SAXO1: variants seen among roughly 807,000 people sequenced by gnomAD.
SAXO1 encodes the protein stabilizer of axonemal microtubules 1, also known as 4930500O09Rik.
In SAXO1, 21 loss-of-function variants were observed where a neutral mutation model predicts 17.5. The ratio of observed to expected loss-of-function variants is 1.20; its 90% confidence interval spans 0.85 to 1.72. The LOEUF (loss-of-function observed/expected upper bound fraction) is 1.72, where lower values mean the gene tolerates loss of function less well. Ranked by LOEUF, SAXO1 falls within the 40% of genes most tolerant of loss-of-function variation. The pLI is 0.00. For synonymous variants in SAXO1, 274 were observed against 216.5 expected (o/e 1.27, Z -2.33); for missense variants, 843 against 596.0 (o/e 1.41, Z -4.32).
chr9:18,945,235 C>A (rs1415998115), intron 2 of SAXO1, among the ~76,000 whole-genome samples: 1 of 152,200 alleles, frequency 6.6e-6, no homozygotes, highest in African/African-American at 2.4e-5. Context: ...TGATTCCCCT[C>A]ACTCCTGGAT....
upstream of SAXO1, among the ~76,000 whole-genome samples, chr9:19,037,363 T>A (rs914494284): frequency 1.3e-5 from 2 of 152,184 alleles, no homozygotes; most frequent in Non-Finnish European, 2.9e-5. Flanking sequence ...TGAAACTATA[T>A]GGTTTGGCTC....
intron 1 of SAXO1, among the ~76,000 whole-genome samples, chr9:18,998,074 C>T (rs539827620): frequency 6.6e-6 from 1 of 152,132 alleles, no homozygotes; most frequent in Non-Finnish European, 1.5e-5. Flanking sequence ...CAAAGGAACA[C>T]AACTCCTCAC....
intron 3 of SAXO1, among the ~76,000 whole-genome samples, chr9:18,931,646 A>G (rs1224001467): frequency 2.6e-5 from 4 of 152,244 alleles, no homozygotes; most frequent in African/African-American, 9.6e-5. Flanking sequence ...AGCAACGTAT[A>G]AACATTCTCA....
At position 18,948,960 on chromosome 9, in the gene SAXO1, G is replaced by A. The variant is rs370948075; in HGVS notation, c.218+1798C>T. On this transcript the variant is annotated intron_variant, in intron 2 of 3. Coordinates refer to ENST00000380534, the MANE Select transcript of SAXO1 (RefSeq NM_153707.4). ...AGTACTACTCTCACCCTTTCCTACC[G>A]ATTACATGTCCCTTATACATGTGCC... Among the ~76,000 whole-genome samples, 49 of 152,198 alleles carry A rather than the reference G, an allele frequency of 3.2e-4. 1 individual carries two copies. The South Asian group carries it at 8.9e-3, about 28-fold the overall frequency.
intron 1 of SAXO1, 23 bp from the exon 2 acceptor site, chr9:18,950,960 T>C (rs192478144): frequency 2.4e-4 from 382 of 1,593,412 alleles, no homozygotes; most frequent in Non-Finnish European, 2.9e-4. Flanking sequence ...CAGAGTTAGG[T>C]TGATTACCTT....
intron 1 of SAXO1, chr9:19,027,688 T>G (rs1835555131): frequency 7.4e-7 from 1 of 1,354,174 alleles, no homozygotes; most frequent in Admixed American, 1.7e-5. Flanking sequence ...TCATCTTCAC[T>G]GATGAGCTGG....
At chr9:18,966,280 T>A (rs752009631) in intron 1 of SAXO1, among the ~76,000 whole-genome samples, 2 of 152,348 alleles carry the variant, frequency 1.3e-5, no homozygotes, top group African/African-American at 2.4e-5. Context: ...ATTTGAATGT[T>A]GGCCTGTCCT....
At chr9:18,931,022 G>C (rs1348918617) in intron 3 of SAXO1, among the ~76,000 whole-genome samples, 1 of 152,208 alleles carries the variant, frequency 6.6e-6, no homozygotes, top group Admixed American at 6.5e-5. Flanking sequence ...ATTTGTAACA[G>C]TTTTATTGAA....
At chr9:18,937,625 C>G (rs918960908) in intron 3 of SAXO1, among the ~76,000 whole-genome samples, 1 of 152,104 alleles carries the variant, frequency 6.6e-6, no homozygotes, top group Non-Finnish European at 1.5e-5. Context: ...TTGCATCATG[C>G]AGGCTCCACC....
chr9:18,967,550 GA>G (rs1439097938), intron 1 of SAXO1, among the ~76,000 whole-genome samples: 1 of 152,300 alleles, frequency 6.6e-6, no homozygotes, highest in African/African-American at 2.4e-5. Context: ...ACTGTAAGGG[GA>G]AAACTACGTA....
intron 1 of SAXO1, chr9:19,027,324 C>A: frequency 1.3e-6 from 1 of 799,442 alleles, no homozygotes. Flanking sequence ...CTATCCAATC[C>A]TGGAGACACT....
At chr9:19,022,466 G>A (rs1019551181) in intron 1 of SAXO1, among the ~76,000 whole-genome samples, 2 of 152,126 alleles carry the variant, frequency 1.3e-5, no homozygotes, top group Non-Finnish European at 2.9e-5. Flanking sequence ...TAAAGAACAG[G>A]GTATTCAATT....
At chr9:18,964,247 C>T (rs572251240) in intron 1 of SAXO1, among the ~76,000 whole-genome samples, 4 of 152,080 alleles carry the variant, frequency 2.6e-5, no homozygotes, top group Non-Finnish European at 4.4e-5. Context: ...TTTGTTGTGT[C>T]TCTGCCAGAT....
intron 1 of SAXO1, among the ~76,000 whole-genome samples, chr9:18,973,326 G>C (rs1430902279): frequency 6.6e-6 from 1 of 152,190 alleles, no homozygotes; most frequent in East Asian, 1.9e-4. Context: ...TAAAGTACCA[G>C]CACCTTTAAA....
chr9:19,030,468 A>G (rs899629321), intron 1 of SAXO1, among the ~76,000 whole-genome samples: 3 of 152,166 alleles, frequency 2.0e-5, no homozygotes, highest in Admixed American at 6.5e-5. Flanking sequence ...ACACTTTTGG[A>G]GGCCAAGGTA....
intron 1 of SAXO1, among the ~76,000 whole-genome samples, chr9:19,004,226 A>G (rs1005780229): frequency 2.0e-5 from 3 of 152,264 alleles, no homozygotes; most frequent in Non-Finnish European, 4.4e-5. Context: ...TTAAAAAGTC[A>G]GGAAACAACA....
intron 2 of SAXO1, among the ~76,000 whole-genome samples, chr9:18,946,026 C>A (rs1831778949): frequency 6.6e-6 from 1 of 152,096 alleles, no homozygotes; most frequent in Non-Finnish European, 1.5e-5. Context: ...CTTGTAATCC[C>A]AGCACTTTGG....
chr9:19,042,794 G>A lies in SAXO1; in HGVS notation c.-158+6415C>T, dbSNP rs1400608068. The stretch of plus-strand genomic sequence containing the variant: ...GGAGAATCGCTTGAACCGGGGAGGC[G>A]GAGGTTGTGTTGAGCTGAGATTACA... On this transcript the variant is annotated intron_variant, in intron 1 of 3. Transcript: ENST00000542071. Among the ~76,000 whole-genome samples, 9 of 151,888 alleles carry A rather than the reference G, an allele frequency of 5.9e-5. No individual in the cohort carries two copies. The South Asian group carries it at 6.2e-4, about 10-fold the overall frequency.
intron 1 of SAXO1, among the ~76,000 whole-genome samples, chr9:18,993,644 C>A (rs1322087859): frequency 6.6e-6 from 1 of 152,142 alleles, no homozygotes; most frequent in Non-Finnish European, 1.5e-5. Context: ...CAAGAGAGAA[C>A]AGGCTCTGCT....
Sources: allele counts gnomAD v4.1 joint callset (sites outside exome capture counted in the v4.1 genomes callset), GRCh38; gene constraint gnomAD v4.1.1; transcripts MANE v1.5; gene names NCBI Gene and HGNC (gene_info 2026-07-23, HGNC 2026-07-21).